The following RHOJ variants were observed in gnomAD, a reference collection of about 807,000 sequenced individuals.
RHOJ encodes rho-related GTP-binding protein RhoJ.
In RHOJ, 11 loss-of-function variants were observed where a neutral mutation model predicts 23.4. That is an observed-to-expected ratio of 0.47 (90% CI 0.30 to 0.78). RHOJ has a LOEUF of 0.78. Ranked by LOEUF, RHOJ falls within the 30% of genes least tolerant of loss-of-function variation. RHOJ has a pLI of 0.08. For synonymous variants in RHOJ, 102 were observed against 102.7 expected, an observed-to-expected ratio of 0.99 and a Z score of 0.04; for missense variants, 254 against 273.4, an observed-to-expected ratio of 0.93 and a Z score of 0.50.
At chr14:63,215,162 A>G (rs528153144) in intron 1 of RHOJ, among the ~76,000 whole-genome samples, 1 of 152,222 alleles carries the variant, frequency 6.6e-6, no homozygotes, top group Non-Finnish European at 1.5e-5. Context: ...AAAGAAAACA[A>G]AAACAGAAAA....
chr14:63,290,739 A>G, intron 4 of RHOJ, 139 bp from the exon 5 acceptor site: 1 of 658,778 alleles, frequency 1.5e-6, no homozygotes, highest in Non-Finnish European at 2.3e-6. Context: ...AAAAAAAAAA[A>G]AGACAAACAT....
intron 1 of RHOJ, among the ~76,000 whole-genome samples, chr14:63,214,128 A>G (rs1594750307): frequency 6.6e-6 from 1 of 152,206 alleles, no homozygotes; most frequent in African/African-American, 2.4e-5. Context: ...CATATGACAT[A>G]CCTATATTTC....
At chr14:63,285,917 CA>C (rs1356211023) in intron 4 of RHOJ, among the ~76,000 whole-genome samples, 1 of 152,128 alleles carries the variant, frequency 6.6e-6, no homozygotes, top group Non-Finnish European at 1.5e-5. Context: ...TTTTTTGATA[CA>C]GGAATTTGCC....
intron 1 of RHOJ, among the ~76,000 whole-genome samples, chr14:63,225,413 C>T (rs1419294788): frequency 6.6e-6 from 1 of 152,144 alleles, no homozygotes; most frequent in Non-Finnish European, 1.5e-5. Context: ...TCCCTATTCC[C>T]ATAAACATTG....
rs1217304894 is a variant in RHOJ, at chr14:63,292,176, C to T, written c.*1152C>T. ...GTAAGTTCTCATTCCATGTAAATGACATTTTCCAGTTACAACTGGTACTGA... is the reference window on the plus strand; with the variant it reads ...GTAAGTTCTCATTCCATGTAAATGATATTTTCCAGTTACAACTGGTACTGA... On this transcript the variant is annotated 3_prime_UTR_variant, in exon 5 of 5. Coordinates refer to ENST00000316754, the MANE Select transcript of RHOJ (RefSeq NM_020663.5). 6.6e-6 allele frequency: 1 copy of T among 152,176 alleles called. No individual in the cohort carries two copies. The highest frequency in any genetic ancestry group is 1.5e-5 in the Non-Finnish European group (1 of 68,040). 9.4% of individuals were successfully genotyped at this position (152,176 alleles called of 1,614,324 possible). A position where few individuals can be genotyped will look rare whatever the true frequency, so the allele number is the denominator to read the frequency against.
At chr14:63,238,091 C>T (rs988587483) in intron 1 of RHOJ, among the ~76,000 whole-genome samples, 2 of 152,190 alleles carry the variant, frequency 1.3e-5, no homozygotes, top group Non-Finnish European at 2.9e-5. Flanking sequence ...CATGGCAAAT[C>T]TTTCACATAC....
intron 1 of RHOJ, among the ~76,000 whole-genome samples, chr14:63,207,035 C>CTTTTTT (rs200555463): frequency 7.1e-6 from 1 of 141,068 alleles, no homozygotes. Flanking sequence ...CTTTTCTTTT[C>CTTTTTT]TTTTTTTTTT....
At chr14:63,244,327 G>A (rs543246231) in intron 1 of RHOJ, among the ~76,000 whole-genome samples, 1 of 152,046 alleles carries the variant, frequency 6.6e-6, no homozygotes, top group South Asian at 2.1e-4. Context: ...AGCACTTTGG[G>A]AGGCTGAGGC....
intron 2 of RHOJ, among the ~76,000 whole-genome samples, chr14:63,272,322 CT>C (rs11320878): frequency 0.059 from 8,993 of 152,210 alleles, 887 homozygotes; most frequent in African/African-American, 0.2. Context: ...AGTAAATGTG[CT>C]GGATAGCTAA....
intron 3 of RHOJ, among the ~76,000 whole-genome samples, chr14:63,282,557 C>A (rs950819359): frequency 6.6e-6 from 1 of 151,948 alleles, no homozygotes; most frequent in Non-Finnish European, 1.5e-5. Context: ...TTATCTTGAG[C>A]AAACCCTTTG....
intron 2 of RHOJ, among the ~76,000 whole-genome samples, chr14:63,279,772 A>G (rs1010100499): frequency 1.3e-5 from 2 of 152,168 alleles, no homozygotes; most frequent in Admixed American, 1.3e-4. Flanking sequence ...CTCACTCAAC[A>G]TATTTCTTCA....
chr14:63,209,979 G>C (rs1366102097), intron 1 of RHOJ, among the ~76,000 whole-genome samples: 2 of 65,802 alleles, frequency 3.0e-5, no homozygotes, highest in East Asian at 7.7e-4. Context: ...TTTTTTTCTT[G>C]AGACAGAGTC....
At position 63,281,049 on chromosome 14, in the gene RHOJ, G is replaced by A. The variant is rs747934709; in HGVS notation, c.316G>A (p.Ala106Thr). Residue 106 changes from alanine to threonine, a missense_variant, in exon 3 of 5, where the codon GCC (alanine) becomes ACC (threonine). Transcript: ENST00000316754. ...FLICFSVVNP[A>T]SYHNVQEEWV... ...GATCTGCTTCTCTGTCGTAAACCCTGCCTCTTACCACAATGTCCAGGAGGA... is the reference window on the plus strand; with the variant it reads ...GATCTGCTTCTCTGTCGTAAACCCTACCTCTTACCACAATGTCCAGGAGGA... 4 of 1,614,128 alleles carry A rather than the reference G, an allele frequency of 2.5e-6. No homozygotes were observed. In the South Asian group the frequency reaches 4.4e-5, roughly 18 times the overall value.
Position 63,281,125 on chromosome 14 carries a change from T to A in RHOJ, c.392T>A (p.Ile131Lys). The A allele has an allele frequency of 6.2e-7, 1 of 1,610,022 alleles. No homozygotes were observed. The highest frequency in any genetic ancestry group is 1.1e-5 in the South Asian group (1 of 90,230). Residue 131 changes from isoleucine (I) to lysine (K), a missense_variant, in exon 3 of 5, where the codon ATA becomes AAA. Coordinates refer to ENST00000316754, the MANE Select transcript of RHOJ (RefSeq NM_020663.5). The part of the protein sequence containing the change: ...DCMPHVPYVL[I>K]GTQIDLRDDP... Reference sequence around the variant, plus strand: ...ATGCCTCACGTGCCTTATGTCCTCATAGGGACCCAGGTTAAAATGTGGGCG... The same window carrying A: ...ATGCCTCACGTGCCTTATGTCCTCAAAGGGACCCAGGTTAAAATGTGGGCG...
intron 1 of RHOJ, among the ~76,000 whole-genome samples, chr14:63,248,827 T>C (rs1208187106): frequency 2.0e-5 from 3 of 152,168 alleles, no homozygotes; most frequent in Admixed American, 6.5e-5. Context: ...CATTCTCAGA[T>C]AGATTTCTTT....
chr14:63,266,137 G>A (rs776050968), intron 1 of RHOJ, among the ~76,000 whole-genome samples: 3 of 152,112 alleles, frequency 2.0e-5, no homozygotes, highest in African/African-American at 4.8e-5. Context: ...GTTTTTCAAG[G>A]CCATTTCAAA....
At chr14:63,225,495 T>C (rs1478100602) in intron 1 of RHOJ, among the ~76,000 whole-genome samples, 1 of 152,222 alleles carries the variant, frequency 6.6e-6, no homozygotes, top group Non-Finnish European at 1.5e-5. Context: ...CCATCTGATG[T>C]TTTCATTTTT....
intron 1 of RHOJ, among the ~76,000 whole-genome samples, chr14:63,228,480 A>G (rs770795942): frequency 3.1e-4 from 47 of 152,236 alleles, no homozygotes; most frequent in Admixed American, 9.2e-4. Context: ...ATAAAGGATG[A>G]CACACTCATA....
At chr14:63,216,099 T>A (rs1367198122) in intron 1 of RHOJ, among the ~76,000 whole-genome samples, 1 of 152,172 alleles carries the variant, frequency 6.6e-6, no homozygotes, top group African/African-American at 2.4e-5. Flanking sequence ...TTAAAACTTG[T>A]AAAAAAATTG....
Sources: gnomAD v4.1 joint callset for allele counts (sites outside exome capture counted in the v4.1 genomes callset) on GRCh38, gnomAD v4.1.1 for gene constraint, MANE v1.5 for transcripts, NCBI Gene and HGNC (gene_info 2026-07-23, HGNC 2026-07-21) for gene names.